BCL7B: variants seen among roughly 807,000 people sequenced by gnomAD.
The protein encoded by BCL7B is B-cell CLL/lymphoma 7 protein family member B.
A neutral mutation model predicts 26.5 loss-of-function variants in BCL7B; 11 were observed. The ratio of observed to expected loss-of-function variants is 0.42; its 90% confidence interval spans 0.26 to 0.69. The LOEUF (loss-of-function observed/expected upper bound fraction) is 0.69. Ranked by LOEUF, BCL7B falls within the 30% of genes least tolerant of loss-of-function variation. The pLI is 0.28. For missense variants in BCL7B, 215 were observed against 264.4 expected (o/e 0.81, Z 1.30); for synonymous variants, 111 against 107.9 (o/e 1.03, Z -0.18).
At chr7:73,553,078 C>T (rs1237729385) in intron 1 of BCL7B, among the ~76,000 whole-genome samples, 1 of 151,732 alleles carries the variant, frequency 6.6e-6, no homozygotes, top group East Asian at 2.0e-4. Flanking sequence ...CACACCACCA[C>T]GCCCAGCCAA....
intron 2 of BCL7B, among the ~76,000 whole-genome samples, chr7:73,545,036 C>T (rs1475760705): frequency 6.6e-6 from 1 of 150,974 alleles, no homozygotes; most frequent in Admixed American, 6.6e-5. Flanking sequence ...CTGGGCAACA[C>T]AGTTAGACCC....
Position 73,536,753 on chromosome 7 carries a change from C to G in BCL7B, c.*545G>C, listed in dbSNP as rs1465549240. On this transcript the variant is annotated 3_prime_UTR_variant, in exon 6 of 6. Transcript: ENST00000223368. Reference sequence around the variant, plus strand: ...AGGACCACCTCAGGCATGGGCAGAGCTGGCAGGACAGCAAGAAATCTAGAC... The same window carrying G: ...AGGACCACCTCAGGCATGGGCAGAGGTGGCAGGACAGCAAGAAATCTAGAC... The G allele has an allele frequency of 6.5e-6, 1 of 153,296 alleles. No individual in the cohort carries two copies. The highest frequency in any genetic ancestry group is 2.4e-5 in the African/African-American group (1 of 41,468). The allele number at this position is 153,296 out of a possible 1,614,324, so 9.5% of individuals were successfully genotyped here.
intron 1 of BCL7B, among the ~76,000 whole-genome samples, chr7:73,554,362 G>T (rs1792285195): frequency 6.6e-6 from 1 of 152,082 alleles, no homozygotes. Context: ...CTTGCTGTCA[G>T]TAGGAACAAG....
At chr7:73,548,644 G>A (rs1421832810) in intron 2 of BCL7B, among the ~76,000 whole-genome samples, 4 of 151,722 alleles carry the variant, frequency 2.6e-5, no homozygotes, top group Admixed American at 6.6e-5. Flanking sequence ...ATAAAAAAAG[G>A]AGCAGGCCGG....
At chr7:73,544,409 T>C (rs577402469) in intron 2 of BCL7B, among the ~76,000 whole-genome samples, 1 of 150,712 alleles carries the variant, frequency 6.6e-6, no homozygotes, top group East Asian at 1.9e-4. Context: ...CGAGACTCCA[T>C]CTAAAAAAAC....
chr7:73,545,177 C>A (rs1791907500), intron 2 of BCL7B, among the ~76,000 whole-genome samples: 1 of 152,046 alleles, frequency 6.6e-6, no homozygotes, highest in South Asian at 2.1e-4. Context: ...CCGGTAGATG[C>A]ATTATATTAG....
intron 1 of BCL7B, among the ~76,000 whole-genome samples, chr7:73,553,078 C>A (rs1237729385): frequency 6.6e-6 from 1 of 151,732 alleles, no homozygotes; most frequent in Non-Finnish European, 1.5e-5. Flanking sequence ...CACACCACCA[C>A]GCCCAGCCAA....
At position 73,537,115 on chromosome 7, in the gene BCL7B, C is replaced by A. The variant is rs1373182599; in HGVS notation, c.*183G>T. On this transcript the variant is annotated 3_prime_UTR_variant, in exon 6 of 6. Transcript: ENST00000223368. The stretch of plus-strand genomic sequence containing the variant: ...TCCTCTTCTCGGGAGCAAGTAGACA[C>A]AGGTGCCAGGGTCAGGAAGATGATG... The A allele has an allele frequency of 3.8e-6, 2 of 530,668 alleles. No individual in the cohort carries two copies. The highest frequency in any genetic ancestry group is 6.7e-6 in the Non-Finnish European group (2 of 297,416). The allele number at this position is 530,668 out of a possible 1,614,324, so 32.9% of individuals were successfully genotyped here. A position where few individuals can be genotyped will look rare whatever the true frequency, so the allele number is the denominator to read the frequency against.
intron 1 of BCL7B, among the ~76,000 whole-genome samples, chr7:73,553,037 T>G (rs982508020): frequency 2.0e-5 from 3 of 151,738 alleles, no homozygotes; most frequent in Non-Finnish European, 4.4e-5. Flanking sequence ...TCCTTCCACC[T>G]CAGCCTCCTG....
In BCL7B at chr7:73,537,125, G is replaced by A; in HGVS notation, c.*173C>T. The stretch of plus-strand genomic sequence containing the variant: ...GGGAGCAAGTAGACACAGGTGCCAG[G>A]GTCAGGAAGATGATGCTACAGCCCC... On this transcript the variant is annotated 3_prime_UTR_variant, in exon 6 of 6. Transcript: ENST00000223368. 1 of 563,480 alleles carries A rather than the reference G, an allele frequency of 1.8e-6. No individual in the cohort carries two copies. The highest frequency in any genetic ancestry group is 3.0e-5 in the Admixed American group (1 of 33,260). The allele number at this position is 563,480 out of a possible 1,614,324, so 34.9% of individuals were successfully genotyped here.
rs1791564982 is a variant in BCL7B, at chr7:73,537,185, A to G, written c.*113T>C. On this transcript the variant is annotated 3_prime_UTR_variant, in exon 6 of 6. Coordinates refer to ENST00000223368, the MANE Select transcript of BCL7B (RefSeq NM_001707.4). The stretch of plus-strand genomic sequence containing the variant: ...GCCAGCCTTCCAGCCCGGAAGGCTC[A>G]TGTGTGCAGGCTCTTGACCCCAGTG... 2.1e-6 allele frequency: 2 copies of G among 955,252 alleles called. No homozygotes were observed. The highest frequency in any genetic ancestry group is 3.0e-5 in the South Asian group (2 of 66,526). 59.2% of individuals were successfully genotyped at this position (955,252 alleles called of 1,614,324 possible). A position where few individuals can be genotyped will look rare whatever the true frequency, so the allele number is the denominator to read the frequency against.
At chr7:73,541,964 C>T (rs1241395942) in intron 3 of BCL7B, among the ~76,000 whole-genome samples, 1 of 152,202 alleles carries the variant, frequency 6.6e-6, no homozygotes, top group African/African-American at 2.4e-5. Context: ...TTCTCTTGTC[C>T]TGGAAAGCCT....
In BCL7B at chr7:73,549,625, T is replaced by C. The variant is rs1052450574; in HGVS notation, c.168+2542A>G. ...GGAATTTGAGACCTATCAGCCTAGG[T>C]TGACATAGCAAACTCCCATCTCTCC... On this transcript the variant is annotated intron_variant, in intron 2 of 5. Transcript: ENST00000223368. Among the ~76,000 whole-genome samples the C allele has an allele frequency of 3.9e-5, 6 of 152,260 alleles. No homozygotes were observed. In the East Asian group the frequency reaches 5.8e-4, roughly 15 times the overall value.
Position 73,539,938 on chromosome 7 carries a change from G to A in BCL7B, c.380C>T (p.Ser127Phe). 1 of 1,614,108 alleles carries A rather than the reference G, an allele frequency of 6.2e-7. No homozygotes were observed. The highest frequency in any genetic ancestry group is 8.5e-7 in the Non-Finnish European group (1 of 1,180,036). ...QSESLSPAHT[S>F]DFRTDDSQPP... Reference sequence around the variant, plus strand: ...CTGGGAGTCATCCGTGCGGAAGTCGGAGGTGTGTGCTGGGCTCAGGGACTC... The same window carrying A: ...CTGGGAGTCATCCGTGCGGAAGTCGAAGGTGTGTGCTGGGCTCAGGGACTC... Residue 127 changes from serine (S) to phenylalanine (F), a missense_variant, in exon 4 of 6, where the codon TCC becomes TTC. By Grantham distance (155) the Ser-to-Phe change is radical. Coordinates refer to ENST00000223368, the MANE Select transcript of BCL7B (RefSeq NM_001707.4).
At chr7:73,546,897 GCT>G (rs1791975240) in intron 2 of BCL7B, among the ~76,000 whole-genome samples, 3 of 152,024 alleles carry the variant, frequency 2.0e-5, no homozygotes, top group East Asian at 3.9e-4. Context: ...AGGCGTGGTG[GCT>G]CACGCCTGTA....
At chr7:73,541,864 G>C (rs1791783190) in intron 3 of BCL7B, among the ~76,000 whole-genome samples, 1 of 152,170 alleles carries the variant, frequency 6.6e-6, no homozygotes, top group Non-Finnish European at 1.5e-5. Flanking sequence ...TCTCCTACAA[G>C]CATCCTCAGC....
intron 3 of BCL7B, chr7:73,543,056 T>A (rs1361006958): frequency 3.5e-6 from 1 of 286,076 alleles, no homozygotes; most frequent in Non-Finnish European, 7.3e-6. Flanking sequence ...TTTCCTTAAC[T>A]GGAAAATGAG....
intron 5 of BCL7B, 54 bp downstream of exon 5, chr7:73,537,880 C>A (rs1791601394): frequency 7.4e-7 from 1 of 1,359,548 alleles, no homozygotes; most frequent in Non-Finnish European, 1.0e-6. Context: ...AACAGCGAGA[C>A]CCTGCCTTAA....
At chr7:73,538,048 C>G (rs782192391) in intron 4 of BCL7B, 35 bp from the exon 5 acceptor site, 5 of 1,476,672 alleles carry the variant, frequency 3.4e-6, no homozygotes, top group Middle Eastern at 3.6e-4. Flanking sequence ...GAGGGCAGGG[C>G]TCCCCTGAGG....
Sources: allele counts gnomAD v4.1 joint callset (sites outside exome capture counted in the v4.1 genomes callset), GRCh38; gene constraint gnomAD v4.1.1; transcripts MANE v1.5; gene names NCBI Gene and HGNC (gene_info 2026-07-23, HGNC 2026-07-21).